Variants in EXOC6B observed in about 807,000 individuals in gnomAD.
EXOC6B encodes the protein exocyst complex component 6B, also known as SEC15 homolog B.
In EXOC6B, 54 loss-of-function variants were observed where a neutral mutation model predicts 113.5. That is an observed-to-expected ratio of 0.48 (90% CI 0.38 to 0.60). The LOEUF is 0.60. EXOC6B is among the 20% of genes least tolerant of loss of function. The pLI, the probability that EXOC6B is intolerant of heterozygous loss-of-function variation, is 0.00. For synonymous variants in EXOC6B, 357 were observed against 339.0 expected, an observed-to-expected ratio of 1.05 and a Z score of -0.58; for missense variants, 797 against 977.5, an observed-to-expected ratio of 0.82 and a Z score of 2.46.
chr2:72,563,198 T>A (rs1382677213), intron 7 of EXOC6B, among the ~76,000 whole-genome samples: 1 of 152,148 alleles, frequency 6.6e-6, no homozygotes, highest in African/African-American at 2.4e-5. Flanking sequence ...AACTTCAGTA[T>A]CCAGAGGTAG....
chr2:72,567,640 C>G (rs543307599), intron 7 of EXOC6B, among the ~76,000 whole-genome samples: 1 of 151,904 alleles, frequency 6.6e-6, no homozygotes. Context: ...TCTGAAGAAA[C>G]GGCTGATGCC....
In EXOC6B at chr2:72,558,229, C is replaced by G. The variant is rs373433968; in HGVS notation, c.915+1224G>C. Among the ~76,000 whole-genome samples, 6 of 151,108 alleles carry G rather than the reference C, an allele frequency of 4.0e-5. No individual in the cohort carries two copies. In the South Asian group the frequency reaches 1.3e-3, roughly 32 times the overall value. ...TTTTAGTATTCACTATTTTAACCAC[C>G]TATTTAAAAAAAAACAGCAAGGAAT... On this transcript the variant is annotated intron_variant, in intron 8 of 21. Coordinates refer to ENST00000272427, the MANE Select transcript of EXOC6B (RefSeq NM_015189.3).
In EXOC6B at chr2:72,583,906, G is replaced by C. The variant is rs111381267; in HGVS notation, c.670-8238C>G. ...CAGCTAATTTTTTGTGTTTTTAATA[G>C]AGATGGGGTTTCACCATGTTGGCCA... is the stretch of plus-strand genomic sequence containing the variant. On this transcript the variant is annotated intron_variant, in intron 6 of 21. Coordinates refer to ENST00000272427, the MANE Select transcript of EXOC6B (RefSeq NM_015189.3). Among the ~76,000 whole-genome samples the C allele has an allele frequency of 5.3e-3, 810 of 152,090 alleles. 12 individuals carry two copies. Among genetic ancestry groups the C allele is most frequent in the African/African-American group, 0.018 (750 of 41,482 alleles).
intron 20 of EXOC6B, among the ~76,000 whole-genome samples, chr2:72,288,208 T>G (rs1685562518): frequency 6.6e-6 from 1 of 152,112 alleles, no homozygotes; most frequent in Non-Finnish European, 1.5e-5. Flanking sequence ...GTGGAAGAAC[T>G]TGAGTTATCT....
At chr2:72,361,555 A>G (rs1306505873) in intron 19 of EXOC6B, among the ~76,000 whole-genome samples, 1 of 152,212 alleles carries the variant, frequency 6.6e-6, no homozygotes, top group Admixed American at 6.5e-5. Flanking sequence ...TGGAGAGGCA[A>G]GAATAGCTGG....
intron 6 of EXOC6B, among the ~76,000 whole-genome samples, chr2:72,644,408 C>T (rs1306157430): frequency 6.6e-6 from 1 of 152,074 alleles, no homozygotes; most frequent in Admixed American, 6.5e-5. Flanking sequence ...GCAAGGCAGG[C>T]CAACATTCAA....
intron 18 of EXOC6B, among the ~76,000 whole-genome samples, chr2:72,400,825 G>T (rs1399051892): frequency 6.6e-6 from 1 of 151,898 alleles, no homozygotes; most frequent in Non-Finnish European, 1.5e-5. Flanking sequence ...AAAAGGGAAT[G>T]CTTATACACT....
At chr2:72,640,012 G>T (rs759843010) in intron 6 of EXOC6B, among the ~76,000 whole-genome samples, 1 of 152,144 alleles carries the variant, frequency 6.6e-6, no homozygotes, top group African/African-American at 2.4e-5. Flanking sequence ...TCTGATCGGG[G>T]CTGAGATGGC....
At chr2:72,473,103 T>C (rs1294275238) in intron 17 of EXOC6B, among the ~76,000 whole-genome samples, 2 of 152,194 alleles carry the variant, frequency 1.3e-5, no homozygotes, top group African/African-American at 4.8e-5. Flanking sequence ...TAATATATGG[T>C]CTATCTTGGA....
intron 19 of EXOC6B, among the ~76,000 whole-genome samples, chr2:72,374,022 A>T (rs1443154419): frequency 6.6e-6 from 1 of 152,160 alleles, no homozygotes; most frequent in Non-Finnish European, 1.5e-5. Context: ...GCAGTAAGCC[A>T]AGTCATGCCA....
At chr2:72,650,193 G>T (rs1454135080) in intron 6 of EXOC6B, among the ~76,000 whole-genome samples, 1 of 152,222 alleles carries the variant, frequency 6.6e-6, no homozygotes, top group Non-Finnish European at 1.5e-5. Context: ...AATGCCTGAT[G>T]ATCTAAGTTG....
chr2:72,772,004 C>CA (rs1683427072), intron 1 of EXOC6B, among the ~76,000 whole-genome samples: 1 of 152,006 alleles, frequency 6.6e-6, no homozygotes, highest in Middle Eastern at 3.2e-3. Context: ...CATCCAAGTA[C>CA]AAAAATATAT....
At chr2:72,288,540 T>C (rs1685580155) in intron 20 of EXOC6B, among the ~76,000 whole-genome samples, 1 of 152,156 alleles carries the variant, frequency 6.6e-6, no homozygotes, top group Non-Finnish European at 1.5e-5. Context: ...AATAAACTGC[T>C]TCATACAACA....
chr2:72,238,152 G>A (rs1682079588), intron 20 of EXOC6B, among the ~76,000 whole-genome samples: 2 of 152,178 alleles, frequency 1.3e-5, no homozygotes, highest in South Asian at 4.2e-4. Context: ...TCATGTAGAT[G>A]GAATCATATA....
chr2:72,598,058 T>C (rs1283450326), intron 6 of EXOC6B, among the ~76,000 whole-genome samples: 1 of 151,908 alleles, frequency 6.6e-6, no homozygotes, highest in Non-Finnish European at 1.5e-5. Context: ...AAAGCAGTAA[T>C]AGCTAAACTG....
chr2:72,215,081 C>T (rs1223776166), intron 20 of EXOC6B, among the ~76,000 whole-genome samples: 5 of 152,290 alleles, frequency 3.3e-5, no homozygotes, highest in South Asian at 2.1e-4. Flanking sequence ...AAGAGCTACT[C>T]GTGGGGACAT....
chr2:72,193,577 T>C (rs139874927), intron 20 of EXOC6B, among the ~76,000 whole-genome samples: 168 of 152,330 alleles, frequency 1.1e-3, no homozygotes, highest in African/African-American at 3.8e-3. Context: ...CTTGAGGAAA[T>C]CAGTCTGGTA....
chr2:72,268,686 C>G (rs1204710344), intron 20 of EXOC6B, among the ~76,000 whole-genome samples: 2 of 152,006 alleles, frequency 1.3e-5, no homozygotes, highest in African/African-American at 2.4e-5. Flanking sequence ...TCATGAATGA[C>G]TTGGGGCTGT....
chr2:72,498,829 T>A (rs530280551), intron 12 of EXOC6B, among the ~76,000 whole-genome samples: 46 of 152,222 alleles, frequency 3.0e-4, no homozygotes, highest in Non-Finnish European at 5.4e-4. Context: ...GGATAAGTCC[T>A]CCCTACATCC....
Sources: allele counts gnomAD v4.1 joint callset (sites outside exome capture counted in the v4.1 genomes callset), GRCh38; gene constraint gnomAD v4.1.1; transcripts MANE v1.5; gene names NCBI Gene and HGNC (gene_info 2026-07-23, HGNC 2026-07-21).